Variants in ACSL6 observed in about 807,000 individuals in gnomAD.
ACSL6 encodes the protein long-chain-fatty-acid--CoA ligase 6.
In ACSL6, 47 loss-of-function variants were observed where a neutral mutation model predicts 98.2. The ratio of observed to expected loss-of-function variants is 0.48; its 90% CI spans 0.38 to 0.61. ACSL6 has a LOEUF of 0.61. Among genes scored for constraint, ACSL6 ranks in the 20% least tolerant of loss-of-function variants. The pLI is 0.00. For missense variants in ACSL6, 761 were observed against 913.4 expected, an observed-to-expected ratio of 0.83 and a Z score of 2.15; for synonymous variants, 362 against 336.9, an observed-to-expected ratio of 1.07 and a Z score of -0.82.
chr5:131,959,539 C>T lies in ACSL6; in HGVS notation c.2028G>A (p.Glu676=). The change falls in exon 20 of 21, where the codon GAG becomes GAA. Residue 676 remains glutamate (E), a synonymous_variant. Coordinates refer to ENST00000651883, the MANE Select transcript of ACSL6 (RefSeq NM_001009185.3). ...LGKESGLHSF[E]QVKAIHIHSD... is the part of the protein sequence containing the mutation. ...GTATGGGGAAGGTAACAGTTACCTG[C>T]TCAAAAGAATGGAGTCCACTTTCTT... 2 of 1,614,128 alleles carry T rather than the reference C, an allele frequency of 1.2e-6. No individual in the cohort carries two copies. The highest frequency in any genetic ancestry group is 1.1e-5 in the South Asian group (1 of 91,076).
intron 2 of ACSL6, 163 bp downstream of exon 2, chr5:131,993,868 G>A (rs927881105): frequency 2.5e-5 from 17 of 684,532 alleles, no homozygotes; most frequent in Non-Finnish European, 4.1e-5. Flanking sequence ...CCTGGTAGGA[G>A]ACCCTGCCCA....
intron 8 of ACSL6, among the ~76,000 whole-genome samples, chr5:131,986,078 T>C (rs1425765137): frequency 1.3e-5 from 2 of 152,228 alleles, no homozygotes; most frequent in East Asian, 3.9e-4. Context: ...CCCGATGAAG[T>C]GTGGGTGGGT....
Position 131,994,034 on chromosome 5 carries a change from T to C in ACSL6, c.267A>G (p.Val89=). ...GAACGTCTCCTATCCTGCTCACCTCTACTTCTTCTGACTGCATCAGGAGGT... is the reference window on the plus strand; with the variant it reads ...GAACGTCTCCTATCCTGCTCACCTCCACTTCTTCTGACTGCATCAGGAGGT... ...PCNLLMQSEE[V]EDSGGARRSV... is the part of the protein sequence containing the mutation. The change falls in exon 2 of 21, where the codon GTA becomes GTG. Residue 89 remains valine, a synonymous_variant. Coordinates refer to ENST00000651883, the MANE Select transcript of ACSL6 (RefSeq NM_001009185.3). 2 of 1,613,594 alleles carry C rather than the reference T, an allele frequency of 1.2e-6. No homozygotes were observed. The highest frequency in any genetic ancestry group is 2.2e-5 in the South Asian group (2 of 91,046).
intron 11 of ACSL6, 136 bp downstream of exon 11, chr5:131,974,757 C>G: frequency 6.2e-7 from 1 of 1,607,026 alleles, no homozygotes; most frequent in Non-Finnish European, 8.5e-7. Flanking sequence ...CAGGGCCTTA[C>G]CTGCACCATT....
At chr5:132,004,432 A>G (rs1755270812) in intron 1 of ACSL6, among the ~76,000 whole-genome samples, 1 of 151,974 alleles carries the variant, frequency 6.6e-6, no homozygotes, top group Middle Eastern at 3.2e-3. Flanking sequence ...GGACAAAACC[A>G]CTTTGGAGTT....
chr5:131,994,349 A>G (rs972442731), intron 1 of ACSL6, 98 bp from the exon 2 acceptor site: 5 of 1,082,616 alleles, frequency 4.6e-6, no homozygotes, highest in Non-Finnish European at 5.4e-6. Flanking sequence ...GAAACACTGT[A>G]GGGCAGGCCC....
rs1236983798 is a variant in ACSL6 at position 132,007,071 on chromosome 5, T to C, written c.49+4434A>G. 3.4e-4 allele frequency: 51 copies of C among 152,022 alleles called. 1 individual carries two copies. Among genetic ancestry groups the C allele is most frequent in the Admixed American group, 3.3e-3 (51 of 15,272 alleles). 9.4% of individuals were successfully genotyped at this position (152,022 alleles called of 1,614,324 possible). On this transcript the variant is annotated intron_variant, in intron 1 of 20. Transcript: ENST00000651883. ...TTATGCAATAAACTCTTATGTACCC[T>C]GTGTGCCCAACTCTGGGTTGGGGAC...
At position 131,953,008 on chromosome 5, in the gene ACSL6, G is replaced by A; in HGVS notation, c.*1226C>T. On this transcript the variant is annotated 3_prime_UTR_variant, in exon 21 of 21. Coordinates refer to ENST00000651883, the MANE Select transcript of ACSL6 (RefSeq NM_001009185.3). ...TATAGGGTTTCCAGGCATAGCATGG[G>A]CACATTGGGAATGGAAGACTAGAAG... 4.8e-6 allele frequency: 1 copy of A among 209,136 alleles called. No individual in the cohort carries two copies. Among genetic ancestry groups the A allele is most frequent in the Non-Finnish European group, 9.7e-6 (1 of 102,934 alleles). 13.0% of individuals were successfully genotyped at this position (209,136 alleles called of 1,614,324 possible).
chr5:131,965,745 G>C (rs1332393004), intron 17 of ACSL6, among the ~76,000 whole-genome samples: 2 of 152,110 alleles, frequency 1.3e-5, no homozygotes, highest in Non-Finnish European at 2.9e-5. Context: ...AAAGGATAAA[G>C]TCCAGATCTT....
At chr5:131,983,726 G>C (rs2126871142) in intron 9 of ACSL6, 1 of 152,442 alleles carries the variant, frequency 6.6e-6, no homozygotes, top group East Asian at 1.9e-4. Context: ...CCATAGCTTT[G>C]GAGTGGGAGG....
At chr5:131,999,262 TCAAA>T (rs557331069) in intron 1 of ACSL6, among the ~76,000 whole-genome samples, 154 of 152,334 alleles carry the variant, frequency 1.0e-3, no homozygotes, top group African/African-American at 3.6e-3. Context: ...GGGCCTCATC[TCAAA>T]CAAGCTCATG....
chr5:132,006,861 A>C (rs1306158477), intron 1 of ACSL6: 1 of 152,232 alleles, frequency 6.6e-6, no homozygotes, highest in Non-Finnish European at 1.5e-5. Context: ...CCCTGCCTGC[A>C]AGGAGTTTAC....
At position 131,970,190 on chromosome 5, in the gene ACSL6, C is replaced by G. The variant is rs748319499; in HGVS notation, c.1445G>C (p.Gly482Ala). ...RAALGCQVYEGYGQTECTAGC... is the reference protein window; with the variant it reads ...RAALGCQVYEAYGQTECTAGC... Reference sequence around the variant, plus strand: ...AGCTGTGCACTCAGTTTGGCCATAACCTTCATAAACCTTCAAACAAAACAC... The same window carrying G: ...AGCTGTGCACTCAGTTTGGCCATAAGCTTCATAAACCTTCAAACAAAACAC... Residue 482 changes from glycine to alanine, a missense_variant, in exon 15 of 21, where the codon GGT becomes GCT. Coordinates refer to ENST00000651883, the MANE Select transcript of ACSL6 (RefSeq NM_001009185.3). 1.2e-6 allele frequency: 2 copies of G among 1,614,014 alleles called. No individual in the cohort carries two copies. The highest frequency in any genetic ancestry group is 1.7e-6 in the Non-Finnish European group (2 of 1,180,004).
rs540864387 is a variant in ACSL6 at position 131,985,453 on chromosome 5, C to A, written c.870G>T (p.Pro290=). The A allele has an allele frequency of 6.2e-7, 1 of 1,613,772 alleles. No individual in the cohort carries two copies. Among genetic ancestry groups the A allele is most frequent in the Admixed American group, 1.7e-5 (1 of 60,014 alleles). Residue 290 remains proline (P), a synonymous_variant, in exon 9 of 21, where the codon CCG becomes CCT. Transcript: ENST00000651883. ...ACACAATGGAGAGGTCATCAGGCTG[C>A]GGGGGCTGCAGGGGTGAGAAGAGGA... ...GQENHQAPVP[P]QPDDLSIVCF... is the part of the protein sequence containing the mutation.
rs538343388 is a variant in ACSL6 at position 131,955,481 on chromosome 5, C to T, written c.2032-1110G>A. ...TATTGGAAACAGGTCCCAAGGGAGA[C>T]GTTTTTAAACCATAGTGCACTGAGA... On this transcript the variant is annotated intron_variant, in intron 20 of 20. Transcript: ENST00000651883. Among the ~76,000 whole-genome samples the T allele has an allele frequency of 3.4e-4, 52 of 152,202 alleles. 1 individual carries two copies. The South Asian group carries it at 9.6e-3, about 28-fold the overall frequency.
intron 6 of ACSL6, 166 bp downstream of exon 6, chr5:131,988,639 A>C: frequency 6.2e-7 from 1 of 1,612,558 alleles, no homozygotes; most frequent in Non-Finnish European, 8.5e-7. Context: ...GACCAGGGAC[A>C]GCTTGACTCA....
intron 10 of ACSL6, chr5:131,976,194 A>T: frequency 1.0e-6 from 1 of 985,474 alleles, no homozygotes. Flanking sequence ...CTTTAAGTAC[A>T]GCCTTATAAA....
chr5:131,958,975 T>C (rs1159391225), intron 20 of ACSL6, among the ~76,000 whole-genome samples: 2 of 152,144 alleles, frequency 1.3e-5, no homozygotes, highest in Non-Finnish European at 2.9e-5. Context: ...AAATGGTATA[T>C]GTAAGTCAGA....
At chr5:131,996,810 G>T (rs2126929184) in intron 1 of ACSL6, among the ~76,000 whole-genome samples, 1 of 152,328 alleles carries the variant, frequency 6.6e-6, no homozygotes, top group South Asian at 2.1e-4. Flanking sequence ...TCGGTCCCCT[G>T]GGAAGGACAC....
Sources: gnomAD v4.1 joint callset for allele counts (sites outside exome capture counted in the v4.1 genomes callset) on GRCh38, gnomAD v4.1.1 for gene constraint, MANE v1.5 for transcripts, NCBI Gene and HGNC (gene_info 2026-07-23, HGNC 2026-07-21) for gene names.